The following GPD2 variants were observed in gnomAD, a reference collection of about 807,000 sequenced individuals.
GPD2 encodes glycerol-3-phosphate dehydrogenase 2, also known as glycerol-3-phosphate dehydrogenase, mitochondrial.
A neutral mutation model predicts 82.4 loss-of-function variants in GPD2; 54 were observed. The ratio of observed to expected loss-of-function variants is 0.66; its 90% CI spans 0.53 to 0.82. The LOEUF (loss-of-function observed/expected upper bound fraction) is 0.82. Among genes scored for constraint, GPD2 ranks in the 40% least tolerant of loss-of-function variants. The pLI, the probability that GPD2 is intolerant of heterozygous loss-of-function variation, is 0.00. For synonymous variants in GPD2, 288 were observed against 306.1 expected (o/e 0.94, Z 0.62); for missense variants, 748 against 896.2 (o/e 0.83, Z 2.11).
At chr2:156,401,135 GAA>G in the GPD2 span, among the ~76,000 whole-genome samples, 1 of 152,144 alleles carries the variant, frequency 6.6e-6, no homozygotes, top group Non-Finnish European at 1.5e-5. Context: ...AAAAAAACTA[GAA>G]GTCAAAACTT....
chr2:156,425,945 C>CA, the GPD2 span, among the ~76,000 whole-genome samples: 2 of 136,210 alleles, frequency 1.5e-5, no homozygotes, highest in Non-Finnish European at 3.1e-5. Flanking sequence ...TTTTTTGAGA[C>CA]ACAGTTTCAC....
At chr2:156,402,840 T>A in the GPD2 span, among the ~76,000 whole-genome samples, 1 of 152,120 alleles carries the variant, frequency 6.6e-6, no homozygotes. Context: ...ATATTGTTTT[T>A]AATTTTGAAT....
intron 2 of GPD2, among the ~76,000 whole-genome samples, chr2:156,490,718 C>T (rs1297505592): frequency 1.3e-5 from 2 of 152,096 alleles, no homozygotes; most frequent in African/African-American, 2.4e-5. Context: ...TACTTAGGGA[C>T]CAATTGCTTA....
chr2:156,498,958 ATAG>A (rs1258037207), intron 3 of GPD2, among the ~76,000 whole-genome samples: 2 of 152,208 alleles, frequency 1.3e-5, no homozygotes, highest in Admixed American at 6.6e-5. Context: ...TACCAACCTA[ATAG>A]TAGAAGGCAA....
intron 2 of GPD2, among the ~76,000 whole-genome samples, chr2:156,479,872 G>T (rs1038173920): frequency 3.3e-5 from 5 of 152,066 alleles, no homozygotes; most frequent in Non-Finnish European, 7.4e-5. Flanking sequence ...AAGGGAGCTT[G>T]AGTTTTCTTC....
intron 1 of GPD2, among the ~76,000 whole-genome samples, chr2:156,457,322 G>C (rs536026171): frequency 6.6e-6 from 1 of 152,202 alleles, no homozygotes; most frequent in Non-Finnish European, 1.5e-5. Flanking sequence ...CTTCTTACAG[G>C]GAATATTTTT....
chr2:156,443,936 T>C (rs1419038497), intron 1 of GPD2, among the ~76,000 whole-genome samples: 2 of 152,208 alleles, frequency 1.3e-5, no homozygotes, highest in Non-Finnish European at 1.5e-5. Flanking sequence ...GGACAGCGCA[T>C]TGGGGACCAT....
chr2:156,433,815 C>G (rs186124283), upstream of GPD2, among the ~76,000 whole-genome samples: 2 of 152,106 alleles, frequency 1.3e-5, no homozygotes, highest in African/African-American at 4.8e-5. Context: ...ATTTAAACAT[C>G]AGTTATATTC....
chr2:156,554,970 A>G (rs921740264), intron 8 of GPD2, among the ~76,000 whole-genome samples: 2 of 152,226 alleles, frequency 1.3e-5, no homozygotes, highest in African/African-American at 4.8e-5. Context: ...TTTCCTCCTG[A>G]TGTCAAATGA....
chr2:156,525,450 TA>T (rs2105295282), intron 6 of GPD2, among the ~76,000 whole-genome samples: 1 of 152,332 alleles, frequency 6.6e-6, no homozygotes, highest in South Asian at 2.1e-4. Context: ...CTAGGGACCA[TA>T]ATCTATTTGC....
In GPD2 at chr2:156,584,897, G is replaced by A. The variant is rs1399897707; in HGVS notation, c.*1979G>A. 1 of 152,002 alleles carries A rather than the reference G, an allele frequency of 6.6e-6. No individual in the cohort carries two copies. The highest frequency in any genetic ancestry group is 1.5e-5 in the Non-Finnish European group (1 of 67,908). 9.4% of individuals were successfully genotyped at this position (152,002 alleles called of 1,614,324 possible). On this transcript the variant is annotated 3_prime_UTR_variant, in exon 17 of 17. Coordinates refer to ENST00000438166, the MANE Select transcript of GPD2 (RefSeq NM_000408.5). ...TTTTCTCTCTTTCTCTTTCTAGTTA[G>A]ATCAAGATAACGATGACTTGTACCC...
intron 2 of GPD2, among the ~76,000 whole-genome samples, chr2:156,487,182 G>T (rs937079399): frequency 1.3e-5 from 2 of 151,940 alleles, no homozygotes; most frequent in South Asian, 2.1e-4. Flanking sequence ...GGCGGGGGGC[G>T]CCTGTAATCC....
At chr2:156,425,089 A>AT in the GPD2 span, among the ~76,000 whole-genome samples, 78,167 of 148,632 alleles carry the variant, frequency 0.53, 22,383 homozygotes, top group Non-Finnish European at 0.66. Context: ...TATTCATTTT[A>AT]TTTTTTTTTT....
chr2:156,579,431 C>T (rs546743424), intron 15 of GPD2, among the ~76,000 whole-genome samples: 12 of 150,780 alleles, frequency 8.0e-5, no homozygotes, highest in Non-Finnish European at 1.8e-4. Flanking sequence ...TGGGTTCAAG[C>T]GGTTCTCCTG....
intron 2 of GPD2, among the ~76,000 whole-genome samples, chr2:156,484,443 T>C (rs1335854825): frequency 6.6e-6 from 1 of 152,218 alleles, no homozygotes; most frequent in Non-Finnish European, 1.5e-5. Context: ...TCTTTCTCTT[T>C]AAAAAAAACC....
chr2:156,408,216 A>G, the GPD2 span, among the ~76,000 whole-genome samples: 9 of 151,980 alleles, frequency 5.9e-5, no homozygotes, highest in African/African-American at 2.2e-4. Context: ...TGGCCTCCCA[A>G]ACTGCTAGGA....
At chr2:156,543,507 G>C (rs553414568) in intron 6 of GPD2, among the ~76,000 whole-genome samples, 4 of 152,286 alleles carry the variant, frequency 2.6e-5, no homozygotes, top group African/African-American at 7.2e-5. Context: ...CATTACAAGT[G>C]ATCAATAAAT....
At chr2:156,570,338 A>G (rs1229890568) in intron 12 of GPD2, 120 bp downstream of exon 12, 4 of 854,436 alleles carry the variant, frequency 4.7e-6, no homozygotes, top group Middle Eastern at 2.9e-4. Flanking sequence ...AGCTAAAACC[A>G]GGACTACTAT....
At chr2:156,505,644 T>C (rs772074408) in intron 3 of GPD2, among the ~76,000 whole-genome samples, 1 of 152,182 alleles carries the variant, frequency 6.6e-6, no homozygotes, top group Non-Finnish European at 1.5e-5. Context: ...GAGGTCACTC[T>C]TTCTACTTTG....
Sources: gnomAD v4.1 joint callset for allele counts (sites outside exome capture counted in the v4.1 genomes callset) on GRCh38, gnomAD v4.1.1 for gene constraint, MANE v1.5 for transcripts, NCBI Gene and HGNC (gene_info 2026-07-23, HGNC 2026-07-21) for gene names.